The following SH3GL2 variants were observed in gnomAD, a reference collection of about 807,000 sequenced individuals.
The protein encoded by SH3GL2 is SH3 domain containing GRB2 like 2, endophilin A1, also known as endophilin-A1.
In SH3GL2, 24 loss-of-function variants were observed where a neutral mutation model predicts 46.0. The observed-to-expected ratio is 0.52, with a 90% CI of 0.38 to 0.73. The LOEUF is 0.73. SH3GL2 is among the 30% of genes least tolerant of loss of function. The pLI is 0.00. For synonymous variants in SH3GL2, 196 were observed against 147.1 expected (o/e 1.33, Z -2.40); for missense variants, 413 against 424.2 (o/e 0.97, Z 0.23).
intron 1 of SH3GL2, among the ~76,000 whole-genome samples, chr9:17,721,831 T>A (rs1396192679): frequency 6.6e-6 from 1 of 152,082 alleles, no homozygotes; most frequent in Non-Finnish European, 1.5e-5. Context: ...CCCTCTCATT[T>A]ATCTGTATGT....
At chr9:17,790,877 C>G (rs1824107920) in intron 6 of SH3GL2, among the ~76,000 whole-genome samples, 1 of 152,040 alleles carries the variant, frequency 6.6e-6, no homozygotes, top group Non-Finnish European at 1.5e-5. Flanking sequence ...ACAAAGAGTC[C>G]TTTGGCCAGT....
At chr9:17,751,714 A>G (rs940667073) in intron 2 of SH3GL2, among the ~76,000 whole-genome samples, 1 of 152,022 alleles carries the variant, frequency 6.6e-6, no homozygotes, top group South Asian at 2.1e-4. Flanking sequence ...GATTCCAGTG[A>G]TCTCTCTCAA....
chr9:17,776,192 G>A (rs1823636578), intron 3 of SH3GL2, among the ~76,000 whole-genome samples: 1 of 152,044 alleles, frequency 6.6e-6, no homozygotes, highest in Admixed American at 6.6e-5. Flanking sequence ...TGCTGGGCAT[G>A]TACGTTCCAC....
At chr9:17,616,011 G>A (rs1818986886) in intron 1 of SH3GL2, among the ~76,000 whole-genome samples, 1 of 152,150 alleles carries the variant, frequency 6.6e-6, no homozygotes, top group Non-Finnish European at 1.5e-5. Context: ...TGGGAATTGA[G>A]ATTCAGAGGC....
At chr9:17,636,934 C>A (rs1033749885) in intron 1 of SH3GL2, among the ~76,000 whole-genome samples, 1 of 152,148 alleles carries the variant, frequency 6.6e-6, no homozygotes, top group African/African-American at 2.4e-5. Context: ...AAAGAAGTCC[C>A]TTCATGTGTG....
At chr9:17,794,162 A>C (rs1176827765) in intron 8 of SH3GL2, among the ~76,000 whole-genome samples, 1 of 152,090 alleles carries the variant, frequency 6.6e-6, no homozygotes, top group Non-Finnish European at 1.5e-5. Context: ...AGCATTCTTT[A>C]CCTTGTCACA....
intron 1 of SH3GL2, among the ~76,000 whole-genome samples, chr9:17,669,519 T>C (rs886222367): frequency 6.6e-6 from 1 of 152,198 alleles, no homozygotes; most frequent in Non-Finnish European, 1.5e-5. Context: ...AGCAGAATTA[T>C]ACAGTATACA....
chr9:17,671,315 G>A (rs1820469173), intron 1 of SH3GL2, among the ~76,000 whole-genome samples: 1 of 151,696 alleles, frequency 6.6e-6, no homozygotes, highest in South Asian at 2.1e-4. Context: ...TTTTTTTTAA[G>A]AAGAGTTAAA....
chr9:17,583,929 T>G (rs1818322793), intron 1 of SH3GL2, among the ~76,000 whole-genome samples: 2 of 152,204 alleles, frequency 1.3e-5, no homozygotes, highest in South Asian at 4.1e-4. Context: ...GTTATGACTT[T>G]ATCTCAGTGA....
intron 1 of SH3GL2, among the ~76,000 whole-genome samples, chr9:17,693,901 G>C (rs1391858612): frequency 6.6e-6 from 1 of 152,142 alleles, no homozygotes; most frequent in Non-Finnish European, 1.5e-5. Context: ...AATTTCTATT[G>C]ATAAAAGAAT....
rs190697776 is a variant in SH3GL2 at position 17,621,102 on chromosome 9, C to A, written c.45+41815C>A. ...GTAAAATTTGTGTCATATTAATGCCCTTTTGAAGACTAATTTCAATGCCTG... is the reference window on the plus strand; with the variant it reads ...GTAAAATTTGTGTCATATTAATGCCATTTTGAAGACTAATTTCAATGCCTG... On this transcript the variant is annotated intron_variant, in intron 1 of 8. Transcript: ENST00000380607. 1.4e-4 allele frequency among the ~76,000 whole-genome samples: 21 copies of A among 152,178 alleles called. No individual in the cohort carries two copies. The East Asian group carries it at 4.1e-3, about 29-fold the overall frequency.
intron 2 of SH3GL2, among the ~76,000 whole-genome samples, chr9:17,749,688 T>C (rs1002870971): frequency 6.6e-6 from 1 of 152,212 alleles, no homozygotes; most frequent in Non-Finnish European, 1.5e-5. Context: ...TTTGGAGAAC[T>C]GAGTAGAATT....
chr9:17,625,867 A>C (rs1047381605), intron 1 of SH3GL2, among the ~76,000 whole-genome samples: 3 of 152,190 alleles, frequency 2.0e-5, no homozygotes, highest in African/African-American at 7.2e-5. Flanking sequence ...TTGTGTCTTC[A>C]TGGGAAACCT....
chr9:17,638,144 G>A (rs1588195197), intron 1 of SH3GL2, among the ~76,000 whole-genome samples: 1 of 146,854 alleles, frequency 6.8e-6, no homozygotes, highest in Non-Finnish European at 1.5e-5. Flanking sequence ...GCGACAGAGC[G>A]AGACTCCCTC....
At chr9:17,744,419 G>A (rs1455023705) in intron 1 of SH3GL2, among the ~76,000 whole-genome samples, 1 of 151,376 alleles carries the variant, frequency 6.6e-6, no homozygotes. Context: ...AGGCTGGAGT[G>A]CAGTGGCACG....
chr9:17,601,310 T>C (rs766370264), intron 1 of SH3GL2, among the ~76,000 whole-genome samples: 7 of 152,008 alleles, frequency 4.6e-5, no homozygotes, highest in Non-Finnish European at 1.0e-4. Flanking sequence ...GTGGAAAAAA[T>C]AAACACAGGG....
In SH3GL2 at chr9:17,733,638, A is replaced by G. The variant is rs1432780071; in HGVS notation, c.46-13428A>G. On this transcript the variant is annotated intron_variant, in intron 1 of 8. Transcript: ENST00000380607. ...TTACTGGGTATATACCCAAAGGACT[A>G]TAAATCATGCTGTTATAAAGACACA... is the stretch of plus-strand genomic sequence containing the variant. 3.1e-4 allele frequency among the ~76,000 whole-genome samples: 47 copies of G among 151,590 alleles called. 2 individuals are homozygous for G. In the Admixed American group the frequency reaches 3.1e-3, roughly 10 times the overall value.
rs1824270186 is a variant in SH3GL2, at chr9:17,796,139, G to T, written c.*396G>T. On this transcript the variant is annotated 3_prime_UTR_variant, in exon 9 of 9. Transcript: ENST00000380607. ...TTTGCATTTCTCCATGCAAAGAGGA[G>T]AAAGCTTTTGCTTTCACACTGTCCC... 2 of 168,090 alleles carry T rather than the reference G, an allele frequency of 1.2e-5. No homozygotes were observed. The highest frequency in any genetic ancestry group is 4.7e-5 in the African/African-American group (2 of 42,138). 10.4% of individuals were successfully genotyped at this position (168,090 alleles called of 1,614,324 possible).
intron 1 of SH3GL2, among the ~76,000 whole-genome samples, chr9:17,671,505 A>G (rs1820473876): frequency 6.6e-6 from 1 of 152,190 alleles, no homozygotes; most frequent in South Asian, 2.1e-4. Flanking sequence ...TGATTGTATC[A>G]CAGAGGATAA....
Sources: gnomAD v4.1 joint callset for allele counts (sites outside exome capture counted in the v4.1 genomes callset) on GRCh38, gnomAD v4.1.1 for gene constraint, MANE v1.5 for transcripts, NCBI Gene and HGNC (gene_info 2026-07-23, HGNC 2026-07-21) for gene names.